The following CRB2 variants were observed in gnomAD, a reference collection of about 807,000 sequenced individuals.
CRB2 encodes the protein protein crumbs homolog 2.
Under a neutral mutation model 110.9 loss-of-function variants are expected in CRB2, and 85 were observed. That is an observed-to-expected ratio of 0.77 (90% CI 0.64 to 0.92). CRB2 has a LOEUF of 0.92. Ranked by LOEUF, CRB2 falls within the 40% of genes least tolerant of loss-of-function variation. CRB2 has a pLI of 0.00. For missense variants in CRB2, 1,843 were observed against 1,851.3 expected (o/e 1.00, Z 0.08); for synonymous variants, 907 against 831.0 (o/e 1.09, Z -1.57).
chr9:123,365,873 C>A (rs772420004), intron 2 of CRB2, 44 bp from the exon 3 acceptor site: 1 of 1,535,330 alleles, frequency 6.5e-7, no homozygotes, highest in East Asian at 2.5e-5. Flanking sequence ...CCGCCCTGCT[C>A]TGGGTGTCCA....
At chr9:123,380,132 CTG>C (rs2042202560), downstream of CRB2, 2 of 152,328 alleles carry the variant, frequency 1.3e-5, no homozygotes, top group South Asian at 4.1e-4. Context: ...CCTGGGTAGA[CTG>C]TGTCTGACCC....
At chr9:123,365,397 G>C (rs558056893) in intron 2 of CRB2, among the ~76,000 whole-genome samples, 3 of 152,210 alleles carry the variant, frequency 2.0e-5, no homozygotes, top group African/African-American at 7.2e-5. Flanking sequence ...CCTCCCACCC[G>C]ACTCACCTCC....
Position 123,373,380 on chromosome 9 carries a change from G to A in CRB2, c.2849G>A (p.Arg950His). 1 of 1,432,544 alleles carries A rather than the reference G, an allele frequency of 7.0e-7. No homozygotes were observed. Among genetic ancestry groups the A allele is most frequent in the Non-Finnish European group, 9.1e-7 (1 of 1,099,728 alleles). 88.7% of individuals were successfully genotyped at this position (1,432,544 alleles called of 1,614,324 possible). ...GCTGTGCTGCCCATACCGGGGCCGC[G>A]CGTGGCCGATGGTGCCTGGCACCGC... ...PGAVLPIPGP[R>H]VADGAWHRVR... is the part of the protein sequence containing the mutation. The change falls in exon 10 of 13, where the codon CGC becomes CAC. Residue 950 changes from arginine (R) to histidine (H), a missense_variant. Physicochemically the swap from Arg to His is conservative, Grantham distance 29 (BLOSUM62 0). Transcript: ENST00000373631.
rs144843375 is a variant in CRB2 at position 123,363,097 on chromosome 9, C to T, written c.327C>T (p.Ile109=). Residue 109 remains isoleucine (I), a synonymous_variant, in exon 2 of 13, where the codon ATC becomes ATT. Coordinates refer to ENST00000373631, the MANE Select transcript of CRB2 (RefSeq NM_173689.7). ...AGGGCCCACGCTGCGAGCTGGACAT[C>T]GATGAGTGTGCATCCCGGCCGTGCC... ...GFQGPRCELD[I]DECASRPCHH... is the part of the protein sequence containing the mutation. The T allele has an allele frequency of 1.2e-4, 191 of 1,611,520 alleles. No individual in the cohort carries two copies. The African/African-American group carries it at 1.5e-3, about 13-fold the overall frequency.
At position 123,366,104 on chromosome 9, in the gene CRB2, G is replaced by A. The variant is rs201174974; in HGVS notation, c.606G>A (p.Leu202=). The change falls in exon 3 of 13, where the codon CTG becomes CTA. Residue 202 remains leucine (L), a synonymous_variant. Coordinates refer to ENST00000373631, the MANE Select transcript of CRB2 (RefSeq NM_173689.7). ...CACATGGGGGCACGTGCCACGACCT[G>A]GTCAACGGGTGAGCGAGCGGCGGGG... ...PCAHGGTCHD[L]VNGFRCDCAG... is the part of the protein sequence containing the mutation. 423 of 1,479,780 alleles carry A rather than the reference G, an allele frequency of 2.9e-4. 1 individual carries two copies. In the African/African-American group the frequency reaches 4.5e-3, roughly 16 times the overall value. 91.7% of individuals were successfully genotyped at this position (1,479,780 alleles called of 1,614,324 possible). A position where few individuals can be genotyped will look rare whatever the true frequency, so the allele number is the denominator to read the frequency against.
intron 1 of CRB2, among the ~76,000 whole-genome samples, chr9:123,362,071 G>A (rs1032034707): frequency 5.3e-5 from 8 of 152,318 alleles, no homozygotes; most frequent in South Asian, 2.1e-4. Flanking sequence ...TGGCCAGGCC[G>A]GCCACTCAGG....
chr9:123,376,509 C>G (rs910152624), intron 12 of CRB2, among the ~76,000 whole-genome samples: 13 of 151,952 alleles, frequency 8.6e-5, no homozygotes, highest in Non-Finnish European at 1.6e-4. Flanking sequence ...TGCCCCTGCT[C>G]CTGCTCTGCC....
At chr9:123,376,430 C>T (rs2042104120) in intron 12 of CRB2, among the ~76,000 whole-genome samples, 1 of 152,204 alleles carries the variant, frequency 6.6e-6, no homozygotes. Context: ...GGCCCCCCTG[C>T]CACCCTGCCC....
In CRB2 at chr9:123,373,659, C is replaced by T. The variant is rs35578485; in HGVS notation, c.3128C>T (p.Ser1043Phe). Residue 1043 changes from serine (S) to phenylalanine (F), a missense_variant, in exon 10 of 13, where the codon TCT becomes TTT. Coordinates refer to ENST00000373631, the MANE Select transcript of CRB2 (RefSeq NM_173689.7). ...CCTGGCGCCCGAGAGCACTTCGCGTCTTGGCCTGGGACGCCGGCCCCGATC... is the reference window on the plus strand; with the variant it reads ...CCTGGCGCCCGAGAGCACTTCGCGTTTTGGCCTGGGACGCCGGCCCCGATC... ...AAPGAREHFASWPGTPAPILG... is the reference protein window; with the variant it reads ...AAPGAREHFAFWPGTPAPILG... The T allele has an allele frequency of 1.8e-3, 2,590 of 1,429,464 alleles. 4 individuals are homozygous for T. The highest frequency in any genetic ancestry group is 2.2e-3 in the Non-Finnish European group (2,412 of 1,099,056). 88.5% of individuals were successfully genotyped at this position (1,429,464 alleles called of 1,614,324 possible). A position where few individuals can be genotyped will look rare whatever the true frequency, so the allele number is the denominator to read the frequency against.
At chr9:123,376,380 G>C (rs547223405) in intron 12 of CRB2, among the ~76,000 whole-genome samples, 2 of 152,258 alleles carry the variant, frequency 1.3e-5, no homozygotes, top group Admixed American at 6.5e-5. Flanking sequence ...CCGAAGCCTG[G>C]GCCGAGGCTC....
chr9:123,363,691 A>G (rs1450914102), intron 2 of CRB2, among the ~76,000 whole-genome samples: 1 of 152,166 alleles, frequency 6.6e-6, no homozygotes, highest in Non-Finnish European at 1.5e-5. Context: ...GCATAGACAT[A>G]CAAGGTCTCG....
rs1484217023 is a variant in CRB2, at chr9:123,373,465, TGGTGCCGCCACCCC to T, written c.2939_2952del (p.Ala980GlyfsTer8). The T allele has an allele frequency of 6.9e-7, 1 of 1,455,800 alleles. No individual in the cohort carries two copies. Among genetic ancestry groups the T allele is most frequent in the South Asian group, 1.3e-5 (1 of 74,764 alleles). The allele number at this position is 1,455,800 out of a possible 1,614,324, so 90.2% of individuals were successfully genotyped here. Reference sequence around the variant, plus strand: ...CCTCGCGCTGGCTGCTGTGGCTGGATGGTGCCGCCACCCCGGTGGCGCTGCGCGGCCTGGCCAGT... The same window carrying T: ...CCTCGCGCTGGCTGCTGTGGCTGGATGGTGGCGCTGCGCGGCCTGGCCAGT... On this transcript the variant is annotated frameshift_variant, in exon 10 of 13. Coordinates refer to ENST00000373631, the MANE Select transcript of CRB2 (RefSeq NM_173689.7). LOFTEE classifies it high-confidence loss of function.
intron 8 of CRB2, 26 bp from the exon 9 acceptor site, chr9:123,372,151 C>T (rs2042025622): frequency 6.2e-7 from 1 of 1,613,056 alleles, no homozygotes. Context: ...AGTCCTGAGC[C>T]AACCCCTGCC....
chr9:123,361,135 G>GT (rs1554781910), intron 1 of CRB2, among the ~76,000 whole-genome samples: 1 of 67,638 alleles, frequency 1.5e-5, no homozygotes, highest in Non-Finnish European at 5.5e-5. Flanking sequence ...GGATGGGCGG[G>GT]GAGGGGGGGG....
Position 123,370,542 on chromosome 9 carries a change from C to T in CRB2, c.1489C>T (p.Leu497Phe). 2 of 1,613,612 alleles carry T rather than the reference C, an allele frequency of 1.2e-6. No individual in the cohort carries two copies. The highest frequency in any genetic ancestry group is 1.7e-6 in the Non-Finnish European group (2 of 1,180,048). The change falls in exon 7 of 13, where the codon CTC becomes TTC. Residue 497 changes from leucine to phenylalanine, a missense_variant. Transcript: ENST00000373631. ...ALVAATLQAT[L>F]WSYSTTVLVL... is the part of the protein sequence containing the mutation. ...GGTGGCAGCCACACTTCAGGCCACACTCTGGAGCTACAGCACCACTGTGCT... is the reference window on the plus strand; with the variant it reads ...GGTGGCAGCCACACTTCAGGCCACATTCTGGAGCTACAGCACCACTGTGCT...
intron 2 of CRB2, among the ~76,000 whole-genome samples, chr9:123,365,452 G>A (rs1196984560): frequency 6.6e-6 from 1 of 152,044 alleles, no homozygotes; most frequent in Non-Finnish European, 1.5e-5. Context: ...CCCCGCCTAG[G>A]GCATCATGGC....
intron 6 of CRB2, among the ~76,000 whole-genome samples, chr9:123,367,938 G>A (rs1346350259): frequency 1.3e-5 from 2 of 151,990 alleles, no homozygotes; most frequent in Admixed American, 1.3e-4. Flanking sequence ...GTGGAGGGAT[G>A]GTCTTCAGGG....
At chr9:123,368,838 C>G in intron 6 of CRB2, 4 of 1,248,476 alleles carry the variant, frequency 3.2e-6, no homozygotes, top group Non-Finnish European at 4.1e-6. Context: ...GCCTCCTCCC[C>G]ACTTCCCCAG....
At position 123,366,006 on chromosome 9, in the gene CRB2, T is replaced by A; in HGVS notation, c.508T>A (p.Cys170Ser). 6.3e-7 allele frequency: 1 copy of A among 1,595,804 alleles called. No individual in the cohort carries two copies. Among genetic ancestry groups the A allele is most frequent in the Non-Finnish European group, 8.5e-7 (1 of 1,178,158 alleles). The change falls in exon 3 of 13, where the codon TGT becomes AGT. Residue 170 changes from cysteine (C) to serine (S), a missense_variant. Coordinates refer to ENST00000373631, the MANE Select transcript of CRB2 (RefSeq NM_173689.7). Reference sequence around the variant, plus strand: ...CCTGGACGGCGTGGGCTCCTTCCGCTGTGTGTGCGCGCCAGGCTACGGGGG... The same window carrying A: ...CCTGGACGGCGTGGGCTCCTTCCGCAGTGTGTGCGCGCCAGGCTACGGGGG... ...SCLDGVGSFRCVCAPGYGGTR... is the reference protein window; with the variant it reads ...SCLDGVGSFRSVCAPGYGGTR...
Sources: gnomAD v4.1 joint callset for allele counts (sites outside exome capture counted in the v4.1 genomes callset) on GRCh38, gnomAD v4.1.1 for gene constraint, MANE v1.5 for transcripts, NCBI Gene and HGNC (gene_info 2026-07-23, HGNC 2026-07-21) for gene names.